Variants in KCNH7 observed in about 807,000 individuals in gnomAD.
The protein encoded by KCNH7 is potassium voltage-gated channel subfamily H member 7.
Under a neutral mutation model 120.8 loss-of-function variants are expected in KCNH7, and 49 were observed. The ratio of observed to expected loss-of-function variants is 0.41; its 90% CI spans 0.32 to 0.51. KCNH7 has a LOEUF of 0.51. Ranked by LOEUF, KCNH7 falls within the 20% of genes least tolerant of loss-of-function variation. The pLI, the probability that KCNH7 is intolerant of heterozygous loss-of-function variation, is 0.38. For missense variants in KCNH7, 1,097 were observed against 1,446.6 expected (o/e 0.76, Z 3.92); for synonymous variants, 547 against 516.1 (o/e 1.06, Z -0.81).
chr2:162,793,925 T>C (rs960419848), intron 2 of KCNH7, among the ~76,000 whole-genome samples: 4 of 151,972 alleles, frequency 2.6e-5, no homozygotes, highest in Admixed American at 2.6e-4. Context: ...GCTAAGAGAA[T>C]AGATCCTAAA....
intron 2 of KCNH7, among the ~76,000 whole-genome samples, chr2:162,552,750 A>T (rs1325196889): frequency 1.3e-5 from 2 of 152,202 alleles, no homozygotes; most frequent in Non-Finnish European, 2.9e-5. Context: ...ACAGCTGATG[A>T]GAAGGGAAGC....
intron 2 of KCNH7, among the ~76,000 whole-genome samples, chr2:162,743,358 A>G (rs995348525): frequency 6.6e-6 from 1 of 152,216 alleles, no homozygotes; most frequent in African/African-American, 2.4e-5. Flanking sequence ...AAGTAAAAAA[A>G]GGGAGGAAAG....
Position 162,664,250 on chromosome 2 carries a change from C to A in KCNH7, c.308-127170G>T, listed in dbSNP as rs189899572. Among the ~76,000 whole-genome samples, 7 of 152,252 alleles carry A rather than the reference C, an allele frequency of 4.6e-5. No individual in the cohort carries two copies. In the East Asian group the frequency reaches 1.4e-3, roughly 29 times the overall value. On this transcript the variant is annotated intron_variant, in intron 2 of 15. Coordinates refer to ENST00000332142, the MANE Select transcript of KCNH7 (RefSeq NM_033272.4). ...AAGTGCATATGTGCACATATAACCT[C>A]TTTCACTTTTAATTTTAGAGGATTC...
intron 6 of KCNH7, among the ~76,000 whole-genome samples, chr2:162,469,881 A>AT (rs1689441315): frequency 6.6e-6 from 1 of 151,978 alleles, no homozygotes; most frequent in Non-Finnish European, 1.5e-5. Flanking sequence ...TGGTTTTCAT[A>AT]TTTTTTTGGT....
intron 2 of KCNH7, among the ~76,000 whole-genome samples, chr2:162,579,527 C>T (rs1693804253): frequency 6.6e-6 from 1 of 151,996 alleles, no homozygotes; most frequent in Non-Finnish European, 1.5e-5. Context: ...CGTTAACCTC[C>T]CTAGTGTTTG....
chr2:162,489,071 A>G (rs1318347620), intron 6 of KCNH7, among the ~76,000 whole-genome samples: 1 of 152,194 alleles, frequency 6.6e-6, no homozygotes, highest in Non-Finnish European at 1.5e-5. Context: ...AATATATGTC[A>G]TTATGTGATT....
At chr2:162,635,451 T>C (rs1683922377) in intron 2 of KCNH7, among the ~76,000 whole-genome samples, 1 of 152,096 alleles carries the variant, frequency 6.6e-6, no homozygotes, top group Non-Finnish European at 1.5e-5. Flanking sequence ...TTATTCCAGA[T>C]TGATCTGGGG....
chr2:162,577,362 T>C (rs879607830), intron 2 of KCNH7, among the ~76,000 whole-genome samples: 1,538 of 140,952 alleles, frequency 0.011, 14 homozygotes, highest in Non-Finnish European at 0.013. Flanking sequence ...TCTATCTATC[T>C]ATCTATCTAT....
chr2:162,456,134 G>A (rs531157676), intron 6 of KCNH7, among the ~76,000 whole-genome samples: 23 of 152,082 alleles, frequency 1.5e-4, no homozygotes, highest in African/African-American at 5.5e-4. Flanking sequence ...CTGGTATGTT[G>A]TCTCTTTGTT....
chr2:162,567,148 A>AG (rs1693283330), intron 2 of KCNH7, among the ~76,000 whole-genome samples: 1 of 152,062 alleles, frequency 6.6e-6, no homozygotes, highest in Admixed American at 6.6e-5. Context: ...ATTATTTAGC[A>AG]GAAAGAAGAT....
chr2:162,603,473 AT>A (rs1425402959), intron 2 of KCNH7, among the ~76,000 whole-genome samples: 1 of 152,062 alleles, frequency 6.6e-6, no homozygotes, highest in Non-Finnish European at 1.5e-5. Flanking sequence ...TCAAAATTTT[AT>A]TGAAAGGTGC....
chr2:162,414,998 C>T (rs1051861570), intron 9 of KCNH7, among the ~76,000 whole-genome samples: 1 of 151,960 alleles, frequency 6.6e-6, no homozygotes, highest in Non-Finnish European at 1.5e-5. Flanking sequence ...TAGAAATTGA[C>T]CTAACAATGC....
rs1685331395 is a variant in KCNH7, at chr2:162,670,971, A to T, written c.308-133891T>A. ...AGTGGCCAAGAAACATATGAAAAAAAATGCTCAACATCATTAATCATCAGA... is the reference window on the plus strand; with the variant it reads ...AGTGGCCAAGAAACATATGAAAAAATATGCTCAACATCATTAATCATCAGA... On this transcript the variant is annotated intron_variant, in intron 2 of 15. Coordinates refer to ENST00000332142, the MANE Select transcript of KCNH7 (RefSeq NM_033272.4). 1.3e-5 allele frequency among the ~76,000 whole-genome samples: 2 copies of T among 152,098 alleles called. 1 individual carries two copies. Among genetic ancestry groups the T allele is most frequent in the South Asian group, 4.1e-4 (2 of 4,826 alleles).
intron 2 of KCNH7, among the ~76,000 whole-genome samples, chr2:162,562,170 T>C (rs1255259593): frequency 1.3e-5 from 2 of 152,144 alleles, no homozygotes; most frequent in African/African-American, 4.8e-5. Context: ...GTAACAAACC[T>C]GCATGTTCTG....
intron 2 of KCNH7, among the ~76,000 whole-genome samples, chr2:162,728,111 C>G (rs1403349405): frequency 6.6e-6 from 1 of 151,268 alleles, no homozygotes. Flanking sequence ...CCATTTTCAT[C>G]AGCAGTATAT....
intron 9 of KCNH7, among the ~76,000 whole-genome samples, chr2:162,415,546 A>C (rs1374833525): frequency 6.6e-6 from 1 of 152,162 alleles, no homozygotes; most frequent in Non-Finnish European, 1.5e-5. Context: ...CAATGATTCT[A>C]TACTTTAATT....
At chr2:162,769,309 G>C (rs562235448) in intron 2 of KCNH7, among the ~76,000 whole-genome samples, 43 of 152,008 alleles carry the variant, frequency 2.8e-4, no homozygotes, top group Admixed American at 2.3e-3. Context: ...TTCTCAACAG[G>C]AGGAAAAAAT....
intron 2 of KCNH7, among the ~76,000 whole-genome samples, chr2:162,571,868 T>A (rs1424245963): frequency 1.3e-5 from 2 of 151,760 alleles, no homozygotes; most frequent in East Asian, 3.9e-4. Context: ...ACTGGATCCC[T>A]TCCTTACACC....
chr2:162,442,331 A>G (rs1241424913), intron 7 of KCNH7, among the ~76,000 whole-genome samples: 1 of 151,708 alleles, frequency 6.6e-6, no homozygotes, highest in Non-Finnish European at 1.5e-5. Flanking sequence ...CGGCCGTGAC[A>G]TGTCTTCTTT....
Sources: gnomAD v4.1 joint callset for allele counts (sites outside exome capture counted in the v4.1 genomes callset) on GRCh38, gnomAD v4.1.1 for gene constraint, MANE v1.5 for transcripts, NCBI Gene and HGNC (gene_info 2026-07-23, HGNC 2026-07-21) for gene names.